RBFOX1: variants seen among roughly 807,000 people sequenced by gnomAD.
RBFOX1 encodes RNA binding protein fox-1 homolog 1.
In RBFOX1, 8 loss-of-function variants were observed where a neutral mutation model predicts 57.7. The ratio of observed to expected loss-of-function variants is 0.14; its 90% CI spans 0.08 to 0.25. The LOEUF is 0.25. Ranked by LOEUF, RBFOX1 falls within the 10% of genes least tolerant of loss-of-function variation. The pLI, the probability that RBFOX1 is intolerant of heterozygous loss-of-function variation, is 1.00. For synonymous variants in RBFOX1, 326 were observed against 222.4 expected (o/e 1.47, Z -4.15); for missense variants, 611 against 548.5 (o/e 1.11, Z -1.14).
intron 1 of RBFOX1, among the ~76,000 whole-genome samples, chr16:6,032,552 A>G (rs2035591): frequency 0.39 from 58,866 of 152,012 alleles, 13,033 homozygotes; most frequent in East Asian, 0.54. Flanking sequence ...TTGGGAGACT[A>G]TGGATGTGCC....
rs181277900 is a variant in RBFOX1 at position 6,782,089 on chromosome 16, C to T, written c.-16+127439C>T. ...TGGTATGTTCTTGGCTCACTGCAAC[C>T]TCCGCCTCCTGGGTTCACGTGATTC... On this transcript the variant is annotated intron_variant, in intron 3 of 15. Coordinates refer to ENST00000550418, the MANE Select transcript of RBFOX1 (RefSeq NM_018723.4). Among the ~76,000 whole-genome samples the T allele has an allele frequency of 4.3e-3, 656 of 152,218 alleles. 4 individuals are homozygous for T. Among genetic ancestry groups the T allele is most frequent in the Non-Finnish European group, 8.0e-3 (545 of 68,018 alleles).
chr16:5,924,970 C>G (rs1014636372), intron 4 of RBFOX1, among the ~76,000 whole-genome samples: 6 of 152,174 alleles, frequency 3.9e-5, no homozygotes, highest in African/African-American at 1.4e-4. Context: ...GTTCAGGGAC[C>G]TTCCTATTCT....
chr16:7,261,246 G>A (rs1304520823), intron 4 of RBFOX1, among the ~76,000 whole-genome samples: 1 of 152,168 alleles, frequency 6.6e-6, no homozygotes, highest in Non-Finnish European at 1.5e-5. Context: ...TTGTAGAATA[G>A]TTCTGAGCAT....
At chr16:7,622,860 C>G (rs1258541556) in intron 10 of RBFOX1, among the ~76,000 whole-genome samples, 5 of 152,166 alleles carry the variant, frequency 3.3e-5, no homozygotes, top group African/African-American at 1.2e-4. Flanking sequence ...TTCAGAGAAG[C>G]TCATCTTTCA....
chr16:7,555,435 T>C (rs1001708033), intron 5 of RBFOX1, among the ~76,000 whole-genome samples: 8 of 152,304 alleles, frequency 5.3e-5, no homozygotes, highest in Middle Eastern at 3.4e-3. Flanking sequence ...TTGGGTAAGA[T>C]GTTAGTGTTA....
intron 1 of RBFOX1, among the ~76,000 whole-genome samples, chr16:5,315,712 C>T (rs571121760): frequency 6.6e-6 from 1 of 152,094 alleles, no homozygotes; most frequent in African/African-American, 2.4e-5. Flanking sequence ...GTAAGAGCAC[C>T]AGGAAGGTCA....
At chr16:5,764,420 C>G (rs1273465177) in intron 3 of RBFOX1, among the ~76,000 whole-genome samples, 1 of 152,194 alleles carries the variant, frequency 6.6e-6, no homozygotes, top group Admixed American at 6.5e-5. Flanking sequence ...AACCATGAGC[C>G]AATTAAACCC....
chr16:5,898,189 C>T (rs760322258), intron 4 of RBFOX1, among the ~76,000 whole-genome samples: 1 of 152,104 alleles, frequency 6.6e-6, no homozygotes, highest in Non-Finnish European at 1.5e-5. Flanking sequence ...TGTGAGAACT[C>T]ACTCACTCTC....
chr16:7,128,734 T>C (rs1567369970), intron 4 of RBFOX1, among the ~76,000 whole-genome samples: 1 of 152,090 alleles, frequency 6.6e-6, no homozygotes, highest in Non-Finnish European at 1.5e-5. Flanking sequence ...TTCATGGTCA[T>C]ATCACAAAGG....
chr16:5,787,928 C>T (rs988946359), intron 3 of RBFOX1, among the ~76,000 whole-genome samples: 1 of 152,164 alleles, frequency 6.6e-6, no homozygotes, highest in Non-Finnish European at 1.5e-5. Flanking sequence ...AAGATTTGGG[C>T]AGAGACAAGA....
chr16:7,299,485 C>G (rs1001218711), intron 4 of RBFOX1, among the ~76,000 whole-genome samples: 1 of 152,188 alleles, frequency 6.6e-6, no homozygotes, highest in East Asian at 1.9e-4. Flanking sequence ...GCTCTAATCT[C>G]GATCCTGTCA....
At chr16:6,127,163 A>G (rs890230690) in intron 1 of RBFOX1, among the ~76,000 whole-genome samples, 10 of 152,120 alleles carry the variant, frequency 6.6e-5, no homozygotes, top group African/African-American at 1.2e-4. Flanking sequence ...GGATGTCAAC[A>G]TGGGTTGAAT....
At chr16:7,139,456 G>A (rs1272088391) in intron 4 of RBFOX1, among the ~76,000 whole-genome samples, 1 of 152,120 alleles carries the variant, frequency 6.6e-6, no homozygotes, top group African/African-American at 2.4e-5. Flanking sequence ...ACCTGTTTGA[G>A]TGATGGAAGA....
intron 3 of RBFOX1, among the ~76,000 whole-genome samples, chr16:6,752,691 T>A (rs1258126176): frequency 1.3e-5 from 2 of 152,214 alleles, no homozygotes; most frequent in Non-Finnish European, 2.9e-5. Flanking sequence ...TTTCTGCGTA[T>A]CGGTTTCATG....
chr16:6,685,053 A>T (rs973884297), intron 3 of RBFOX1, among the ~76,000 whole-genome samples: 1 of 152,144 alleles, frequency 6.6e-6, no homozygotes, highest in African/African-American at 2.4e-5. Flanking sequence ...GGATGACTGA[A>T]AATTTACAGG....
chr16:7,525,181 C>T (rs1200993850), intron 5 of RBFOX1, among the ~76,000 whole-genome samples: 1 of 152,174 alleles, frequency 6.6e-6, no homozygotes, highest in Non-Finnish European at 1.5e-5. Context: ...TATAAGTACT[C>T]ACTATTTCCA....
chr16:6,484,619 A>C (rs1183094301), intron 2 of RBFOX1, among the ~76,000 whole-genome samples: 1 of 152,154 alleles, frequency 6.6e-6, no homozygotes, highest in Non-Finnish European at 1.5e-5. Context: ...TAGCCTCTCA[A>C]GCACAGCTCA....
chr16:7,267,490 TG>T (rs2095191133), intron 4 of RBFOX1, among the ~76,000 whole-genome samples: 1 of 152,124 alleles, frequency 6.6e-6, no homozygotes, highest in African/African-American at 2.4e-5. Flanking sequence ...GAGCCAAGGT[TG>T]CACTACTGCA....
chr16:7,410,213 T>C (rs12051287), intron 4 of RBFOX1, among the ~76,000 whole-genome samples: 70,941 of 151,882 alleles, frequency 0.47, 16,831 homozygotes, highest in East Asian at 0.61. Flanking sequence ...ACCGCTATGG[T>C]CCAGGCACAG....
Sources: allele counts gnomAD v4.1 joint callset (sites outside exome capture counted in the v4.1 genomes callset), GRCh38; gene constraint gnomAD v4.1.1; transcripts MANE v1.5; gene names NCBI Gene and HGNC (gene_info 2026-07-23, HGNC 2026-07-21).